Variants in UNC5A observed in about 807,000 individuals in gnomAD.
UNC5A encodes netrin receptor UNC5A.
In UNC5A, 20 loss-of-function variants were observed where a neutral mutation model predicts 87.4. The ratio of observed to expected loss-of-function variants is 0.23; its 90% CI spans 0.16 to 0.33. The LOEUF (loss-of-function observed/expected upper bound fraction) is 0.33. Ranked by LOEUF, UNC5A falls within the 10% of genes least tolerant of loss-of-function variation. The pLI, the probability that UNC5A is intolerant of heterozygous loss-of-function variation, is 1.00. For missense variants in UNC5A, 844 were observed against 1,133.4 expected (o/e 0.74, Z 3.67); for synonymous variants, 438 against 482.3 (o/e 0.91, Z 1.20).
chr5:176,862,451 G>T (rs966032608), intron 1 of UNC5A, among the ~76,000 whole-genome samples, 173 bp from the exon 2 acceptor site: 7 of 152,232 alleles, frequency 4.6e-5, no homozygotes, highest in Non-Finnish European at 1.5e-5. Context: ...AGGACATGGA[G>T]GCCCGGGTGG....
chr5:176,853,223 G>A (rs1245429541), intron 1 of UNC5A, among the ~76,000 whole-genome samples: 1 of 152,212 alleles, frequency 6.6e-6, no homozygotes, highest in African/African-American at 2.4e-5. Context: ...TAAAGTCCTT[G>A]GTGGGTTGTA....
chr5:176,816,453 G>T (rs549876), intron 1 of UNC5A, among the ~76,000 whole-genome samples: 14,646 of 152,316 alleles, frequency 0.096, 1,447 homozygotes, highest in African/African-American at 0.25. Flanking sequence ...CTGATGTCAG[G>T]TGCGACAGGC....
chr5:176,875,829 C>A lies in UNC5A; in HGVS notation c.1378+1263C>A, dbSNP rs2149369956. ...TGCATGCACCGACCCCCTGCCCCTC[C>A]CACCAGCTCAGCTGGGACTTCTCTT... On this transcript the variant is annotated intron_variant, in intron 8 of 14. Transcript: ENST00000329542. The surrounding 1 kb of genome is among the most constrained non-coding windows in gnomAD (Gnocchi z 5.2). Among the ~76,000 whole-genome samples, 1 of 152,362 alleles carries A rather than the reference C, an allele frequency of 6.6e-6. No homozygotes were observed. Among genetic ancestry groups the A allele is most frequent in the East Asian group, 1.9e-4 (1 of 5,176 alleles).
rs1274294774 is a variant in UNC5A, at chr5:176,839,059, C to T, written c.71-23565C>T. 5.9e-5 allele frequency among the ~76,000 whole-genome samples: 9 copies of T among 152,186 alleles called. No individual in the cohort carries two copies. In the East Asian group the frequency reaches 7.7e-4, roughly 13 times the overall value. On this transcript the variant is annotated intron_variant, in intron 1 of 14. Transcript: ENST00000329542. ...TGGAGTGTGTTCTCCTGCCTCTGTG[C>T]GTTTGCACCTGCAGGTCTCTGCCTG...
chr5:176,854,490 C>A (rs1446482652), intron 1 of UNC5A, among the ~76,000 whole-genome samples: 1 of 152,232 alleles, frequency 6.6e-6, no homozygotes, highest in Non-Finnish European at 1.5e-5. Flanking sequence ...CTGAGCCACA[C>A]TGGGCTCCTG....
chr5:176,867,419 TG>T (rs1271838347), intron 2 of UNC5A, among the ~76,000 whole-genome samples: 1 of 152,026 alleles, frequency 6.6e-6, no homozygotes, highest in African/African-American at 2.4e-5. Context: ...CCCCCTCTGC[TG>T]GCTGCTCTCT....
chr5:176,854,431 G>A (rs148979127), intron 1 of UNC5A, among the ~76,000 whole-genome samples: 1 of 152,216 alleles, frequency 6.6e-6, no homozygotes, highest in Non-Finnish European at 1.5e-5. Flanking sequence ...CAGGGATGCA[G>A]GTGGCAGGGA....
chr5:176,876,088 G>A (rs1758255920), intron 8 of UNC5A, among the ~76,000 whole-genome samples: 1 of 152,232 alleles, frequency 6.6e-6, no homozygotes, highest in Admixed American at 6.5e-5. Context: ...TCCCCTGCTG[G>A]GCTAAGAACT....
chr5:176,864,343 C>G (rs1389127448), intron 2 of UNC5A, among the ~76,000 whole-genome samples: 1 of 152,186 alleles, frequency 6.6e-6, no homozygotes, highest in Non-Finnish European at 1.5e-5. Context: ...TAAGGGGCCC[C>G]TGGAGGCTGA....
intron 1 of UNC5A, among the ~76,000 whole-genome samples, chr5:176,831,793 C>T (rs978372877): frequency 6.6e-6 from 1 of 152,096 alleles, no homozygotes; most frequent in Non-Finnish European, 1.5e-5. Context: ...CTGTACCCAC[C>T]ATCTTCCCAA....
rs191896666 is a variant in UNC5A, at chr5:176,850,628, G to A, written c.71-11996G>A. Among the ~76,000 whole-genome samples the A allele has an allele frequency of 4.8e-3, 726 of 152,284 alleles. 1 individual carries two copies. Among genetic ancestry groups the A allele is most frequent in the African/African-American group, 0.017 (687 of 41,552 alleles). The stretch of plus-strand genomic sequence containing the variant: ...ACAGAAGCGGGGCCTCAGGAGAGCC[G>A]AGCCCGGGAAGCCGTTTGCAGCTTC... On this transcript the variant is annotated intron_variant, in intron 1 of 14. Transcript: ENST00000329542.
Position 176,874,694 on chromosome 5 carries a change from G to A in UNC5A, c.1378+128G>A. 1 of 1,141,992 alleles carries A rather than the reference G, an allele frequency of 8.8e-7. No individual in the cohort carries two copies. Among genetic ancestry groups the A allele is most frequent in the Non-Finnish European group, 1.2e-6 (1 of 836,278 alleles). The allele number at this position is 1,141,992 out of a possible 1,614,324, so 70.7% of individuals were successfully genotyped here. ...CAGCAAGGAAAGGGGGTGGAGTTTT[G>A]GGGAGAACCCAGTCTTGGCTGGCAC... is the stretch of plus-strand genomic sequence containing the variant. On this transcript the variant is annotated intron_variant, in intron 8 of 14. Transcript: ENST00000329542. This position sits in a 1 kb window ranked among gnomAD's most constrained non-coding sequence, Gnocchi z 7.6.
chr5:176,830,942 CTGTGTGTATGTGCCGGCG>C (rs1757006726), intron 1 of UNC5A, among the ~76,000 whole-genome samples: 1 of 102,340 alleles, frequency 9.8e-6, no homozygotes, highest in African/African-American at 3.9e-5. Flanking sequence ...GTGTGCTGGC[CTGTGTGTATGTGCCGGCG>C]TGTGTGTGTG....
chr5:176,867,601 C>T (rs577923643), intron 2 of UNC5A, among the ~76,000 whole-genome samples: 1 of 152,328 alleles, frequency 6.6e-6, no homozygotes, highest in East Asian at 1.9e-4. Flanking sequence ...TCCCAGGGCG[C>T]TAGCATCATA....
chr5:176,832,512 C>A (rs1757054322), intron 1 of UNC5A, among the ~76,000 whole-genome samples: 1 of 152,168 alleles, frequency 6.6e-6, no homozygotes. Context: ...ATGGGGACAG[C>A]AGTCACCTAG....
chr5:176,850,056 C>T (rs1214552237), intron 1 of UNC5A, among the ~76,000 whole-genome samples: 2 of 152,234 alleles, frequency 1.3e-5, no homozygotes, highest in Non-Finnish European at 2.9e-5. Context: ...GCCAGCCCTG[C>T]GTCAGCAGGA....
In UNC5A at chr5:176,844,830, G is replaced by C. The variant is rs561311508; in HGVS notation, c.71-17794G>C. Among the ~76,000 whole-genome samples, 57 of 152,216 alleles carry C rather than the reference G, an allele frequency of 3.7e-4. No homozygotes were observed. Among genetic ancestry groups the C allele is most frequent in the African/African-American group, 1.2e-3 (48 of 41,550 alleles). Reference sequence around the variant, plus strand: ...CCTCCAGCACTGCTTGCAGTGGATCGTGGAAGTCGGTCCTCGGTGCCAGCC... The same window carrying C: ...CCTCCAGCACTGCTTGCAGTGGATCCTGGAAGTCGGTCCTCGGTGCCAGCC... On this transcript the variant is annotated intron_variant, in intron 1 of 14. Transcript: ENST00000329542. This position sits in a 1 kb window ranked among gnomAD's most constrained non-coding sequence, Gnocchi z 4.2.
In UNC5A at chr5:176,875,486, C is replaced by T. The variant is rs772203309; in HGVS notation, c.1378+920C>T. 6.6e-6 allele frequency among the ~76,000 whole-genome samples: 1 copy of T among 152,112 alleles called. No homozygotes were observed. The highest frequency in any genetic ancestry group is 1.5e-5 in the Non-Finnish European group (1 of 68,020). ...TCTCTTGCCCCCCGCCAGCTTCAGT[C>T]CCACGCCAGTCCCTCCTCAATAGCT... On this transcript the variant is annotated intron_variant, in intron 8 of 14. Coordinates refer to ENST00000329542, the MANE Select transcript of UNC5A (RefSeq NM_133369.3). This position sits in a 1 kb window ranked among gnomAD's most constrained non-coding sequence, Gnocchi z 5.2.
intron 2 of UNC5A, among the ~76,000 whole-genome samples, chr5:176,864,506 T>C (rs1349645635): frequency 1.3e-5 from 2 of 152,198 alleles, no homozygotes; most frequent in Non-Finnish European, 2.9e-5. Flanking sequence ...ATTTAGGCAG[T>C]GCCATTTAGC....
Sources: gnomAD v4.1 joint callset for allele counts (sites outside exome capture counted in the v4.1 genomes callset) on GRCh38, gnomAD v4.1.1 for gene constraint, Gnocchi (gnomAD v3.1) non-coding constraint, MANE v1.5 for transcripts, NCBI Gene and HGNC (gene_info 2026-07-23, HGNC 2026-07-21) for gene names.